The following BPI variants were observed in gnomAD, a reference collection of about 807,000 sequenced individuals.
BPI encodes bactericidal permeability increasing protein, also known as bactericidal permeability-increasing protein.
Under a neutral mutation model 57.6 loss-of-function variants are expected in BPI, and 48 were observed. That is an observed-to-expected ratio of 0.83 (90% CI 0.66 to 1.06). The LOEUF is 1.06. BPI is among the 50% of genes least tolerant of loss of function. The pLI is 0.00. For missense variants in BPI, 651 were observed against 609.7 expected, an observed-to-expected ratio of 1.07 and a Z score of -0.71; for synonymous variants, 237 against 238.2, an observed-to-expected ratio of 0.99 and a Z score of 0.05.
chr20:38,320,729 G>A (rs908689686), intron 7 of BPI, among the ~76,000 whole-genome samples: 23 of 150,678 alleles, frequency 1.5e-4, no homozygotes, highest in African/African-American at 5.4e-4. Context: ...TCACTATGAT[G>A]AGGGAGAAGG....
chr20:38,326,263 AG>A lies in BPI; in HGVS notation c.994del, dbSNP rs1374278735. The stretch of plus-strand genomic sequence containing the variant: ...GTTGATTGTCTCCACTGGGGGCTGC[AG>A]GTGGCCAAGAAGTTTCCCAACATGA... On this transcript the variant is annotated splice_acceptor_variant, in intron 9 of 14. Transcript: ENST00000642449. LOFTEE classifies it high-confidence loss of function. 6.2e-7 allele frequency: 1 copy of A among 1,611,120 alleles called. No homozygotes were observed. Among genetic ancestry groups the A allele is most frequent in the Admixed American group, 1.7e-5 (1 of 59,600 alleles).
At chr20:38,315,046 T>A (rs1265866865) in intron 5 of BPI, among the ~76,000 whole-genome samples, 1 of 152,132 alleles carries the variant, frequency 6.6e-6, no homozygotes, top group Non-Finnish European at 1.5e-5. Flanking sequence ...TTGGCCCATA[T>A]AATATACTGA....
rs998039446 is a variant in BPI, at chr20:38,331,187, G to C, written c.1272+97G>C. ...TCAAGGCATTATTTAAGAGGCTACT[G>C]GCTCATTTGCATTTAATTTGGTTGT... On this transcript the variant is annotated intron_variant, in intron 12 of 14. Transcript: ENST00000642449. The C allele has an allele frequency of 5.0e-6, 7 of 1,395,330 alleles. No individual in the cohort carries two copies. The African/African-American group carries it at 1.0e-4, about 20-fold the overall frequency. 86.4% of individuals were successfully genotyped at this position (1,395,330 alleles called of 1,614,324 possible).
chr20:38,314,028 G>A (rs941365572), intron 5 of BPI, among the ~76,000 whole-genome samples: 2 of 149,184 alleles, frequency 1.3e-5, no homozygotes, highest in Non-Finnish European at 3.0e-5. Context: ...TGGAGATGAT[G>A]AGGATGGTGA....
intron 7 of BPI, among the ~76,000 whole-genome samples, 172 bp from the exon 8 acceptor site, chr20:38,323,698 C>T (rs2076697829): frequency 6.6e-6 from 1 of 152,214 alleles, no homozygotes; most frequent in Non-Finnish European, 1.5e-5. Context: ...GCATGAAAGG[C>T]ACTTAGAAAG....
intron 5 of BPI, among the ~76,000 whole-genome samples, chr20:38,313,057 G>A (rs2076629044): frequency 6.6e-6 from 1 of 152,238 alleles, no homozygotes; most frequent in Non-Finnish European, 1.5e-5. Context: ...GAAATTACTT[G>A]ACCTTCTTGA....
At position 38,320,534 on chromosome 20, in the gene BPI, TTCCACACAGCTC is replaced by T. The variant is rs551905727; in HGVS notation, c.756+264_756+275del. 2.5e-3 allele frequency among the ~76,000 whole-genome samples: 387 copies of T among 151,838 alleles called. 3 individuals are homozygous for T. The highest frequency in any genetic ancestry group is 0.021 in the South Asian group (99 of 4,792). ...TCCGCCTGGGTACTCTCCCCCAGGT[TTCCACACAGCTC>T]TCCCTTGCTTCCTTCAAGTCTTTGC... On this transcript the variant is annotated intron_variant, in intron 7 of 14. Coordinates refer to ENST00000642449, the MANE Select transcript of BPI (RefSeq NM_001725.3).
intron 10 of BPI, 64 bp from the exon 11 acceptor site, chr20:38,327,524 T>C: frequency 6.3e-7 from 1 of 1,579,688 alleles, no homozygotes; most frequent in Non-Finnish European, 8.7e-7. Context: ...CCCTTCTTGG[T>C]TTGGAGGCCT....
At chr20:38,328,891 A>T (rs568886391) in intron 11 of BPI, among the ~76,000 whole-genome samples, 1 of 152,108 alleles carries the variant, frequency 6.6e-6, no homozygotes, top group East Asian at 1.9e-4. Context: ...CTGGGGTCCC[A>T]GCTACTCGAG....
intron 7 of BPI, among the ~76,000 whole-genome samples, chr20:38,322,851 G>A (rs1035983408): frequency 2.0e-5 from 3 of 152,160 alleles, no homozygotes; most frequent in Non-Finnish European, 1.5e-5. Context: ...CTCAGGTGAT[G>A]CACCTGCCTT....
chr20:38,316,738 A>G (rs1404223163), intron 5 of BPI, among the ~76,000 whole-genome samples: 1 of 152,096 alleles, frequency 6.6e-6, no homozygotes, highest in Non-Finnish European at 1.5e-5. Context: ...AGGCTGGGGT[A>G]TTTGTCTACC....
chr20:38,325,844 A>C (rs927357557), intron 9 of BPI, among the ~76,000 whole-genome samples: 1 of 152,142 alleles, frequency 6.6e-6, no homozygotes, highest in Non-Finnish European at 1.5e-5. Context: ...ATCAGAGACT[A>C]AGAGAAAGGG....
intron 5 of BPI, chr20:38,317,883 CA>C: frequency 4.8e-6 from 7 of 1,457,244 alleles, no homozygotes; most frequent in Non-Finnish European, 6.3e-6. Flanking sequence ...GGCTAGGGGA[CA>C]GGGGGATTGG....
chr20:38,334,590 G>A, intron 13 of BPI, 97 bp downstream of exon 13: 1 of 1,248,212 alleles, frequency 8.0e-7, no homozygotes. Flanking sequence ...CAGGTATGAG[G>A]GCTGGGCAGT....
At chr20:38,307,081 C>T (rs1009865027) in intron 1 of BPI, among the ~76,000 whole-genome samples, 3 of 151,852 alleles carry the variant, frequency 2.0e-5, no homozygotes, top group African/African-American at 7.3e-5. Context: ...CACCTGTGAT[C>T]CCAGCTGCTA....
chr20:38,307,717 G>T, intron 2 of BPI, 36 bp downstream of exon 2: 1 of 1,532,882 alleles, frequency 6.5e-7, no homozygotes, highest in South Asian at 1.1e-5. Context: ...CGATTTGCAG[G>T]ACTTGTAGTG....
Position 38,335,557 on chromosome 20 carries a change from C to G in BPI, c.1337-41C>G, listed in dbSNP as rs1039650693. The G allele has an allele frequency of 1.9e-6, 3 of 1,583,022 alleles. No individual in the cohort carries two copies. In the African/African-American group the frequency reaches 4.0e-5, roughly 21 times the overall value. On this transcript the variant is annotated intron_variant, in intron 13 of 14. Transcript: ENST00000642449. Reference sequence around the variant, plus strand: ...GCCCTCCCTCCTCCCCTGCCCTTCTCTTTCTTTTCTCCTGGTCCTCACCAT... The same window carrying G: ...GCCCTCCCTCCTCCCCTGCCCTTCTGTTTCTTTTCTCCTGGTCCTCACCAT...
At chr20:38,334,670 G>A (rs529101725) in intron 13 of BPI, among the ~76,000 whole-genome samples, 177 bp downstream of exon 13, 57 of 152,184 alleles carry the variant, frequency 3.7e-4, no homozygotes, top group Non-Finnish European at 7.2e-4. Context: ...ACTCACATGA[G>A]TTGACTTACT....
intron 14 of BPI, 72 bp from the exon 15 acceptor site, chr20:38,337,074 A>T: frequency 6.7e-7 from 1 of 1,502,982 alleles, no homozygotes; most frequent in Non-Finnish European, 9.1e-7. Flanking sequence ...CCTTCTTAAA[A>T]CTCCAGTAGC....
Sources: allele counts gnomAD v4.1 joint callset (sites outside exome capture counted in the v4.1 genomes callset), GRCh38; gene constraint gnomAD v4.1.1; transcripts MANE v1.5; gene names NCBI Gene and HGNC (gene_info 2026-07-23, HGNC 2026-07-21).